The following MGAM2 variants were observed in gnomAD, a reference collection of about 807,000 sequenced individuals.
MGAM2 encodes probable maltase-glucoamylase 2.
In MGAM2, 98 loss-of-function variants were observed where a neutral mutation model predicts 96.1. That is an observed-to-expected ratio of 1.02 (90% CI 0.87 to 1.21). The LOEUF (loss-of-function observed/expected upper bound fraction) is 1.21. Among genes scored for constraint, MGAM2 ranks in the 50% most tolerant of loss-of-function variants. The probability of loss-of-function intolerance (pLI) is 0.00; values close to 1 mark genes in which losing one functional copy is unlikely to be tolerated. For synonymous variants in MGAM2, 749 were observed against 414.8 expected (o/e 1.81, Z -9.79); for missense variants, 2,055 against 1,182.4 (o/e 1.74, Z -10.82).
At position 142,146,219 on chromosome 7, in the gene MGAM2, T is replaced by C. The variant is rs201011828; in HGVS notation, c.1517-1237T>C. Among the ~76,000 whole-genome samples, 15 of 128,282 alleles carry C rather than the reference T, an allele frequency of 1.2e-4. No individual in the cohort carries two copies. The East Asian group carries it at 2.7e-3, about 23-fold the overall frequency. 84.2% of individuals were successfully genotyped at this position (128,282 alleles called of 152,430 possible). ...AAATTTTGTTTTTGATTTTTTTTTT[T>C]CCCTATGGAAAACCTCAATCCTATC... On this transcript the variant is annotated intron_variant, in intron 14 of 47. Transcript: ENST00000477922.
At chr7:142,113,174 G>A (rs779470374) in intron 1 of MGAM2, among the ~76,000 whole-genome samples, 18 of 152,120 alleles carry the variant, frequency 1.2e-4, no homozygotes, top group South Asian at 4.2e-4. Flanking sequence ...AAAAGTAAGA[G>A]GAGATGCAAA....
chr7:142,202,401 T>G (rs895559658), intron 45 of MGAM2, among the ~76,000 whole-genome samples: 22 of 152,312 alleles, frequency 1.4e-4, no homozygotes, highest in African/African-American at 5.3e-4. Context: ...GTTTGGGGTA[T>G]GGATCCCGTC....
At chr7:142,160,359 A>G (rs1795853317) in intron 21 of MGAM2, 101 bp downstream of exon 21, 4 of 579,696 alleles carry the variant, frequency 6.9e-6, no homozygotes, top group African/African-American at 3.7e-5. Flanking sequence ...GAGCCAAGGG[A>G]TAAGTCACCC....
intron 19 of MGAM2, 145 bp from the exon 20 acceptor site, chr7:142,159,140 ATG>A: frequency 1.7e-6 from 1 of 588,518 alleles, no homozygotes. Flanking sequence ...CTCAACCTTT[ATG>A]TGTCTGTGTT....
chr7:142,220,705 C>A lies in MGAM2; in HGVS notation c.6194C>A (p.Ser2065Tyr). Reference protein sequence around the residue: ...SATVPITTTPSPTNTADANTS... With the variant: ...SATVPITTTPYPTNTADANTS... ...ACTGTTCCTATTACAACCACACCTT[C>A]CCCTACAAATACTGCTGATGCTAAC... Residue 2065 changes from serine (S) to tyrosine (Y), a missense_variant, in exon 48 of 48, where the codon TCC (serine) becomes TAC (tyrosine). Coordinates refer to ENST00000477922, the MANE Select transcript of MGAM2 (RefSeq NM_001293626.2). 1.4e-6 allele frequency: 1 copy of A among 702,220 alleles called. No homozygotes were observed. The highest frequency in any genetic ancestry group is 2.6e-6 in the Non-Finnish European group (1 of 384,808). The allele number at this position is 702,220 out of a possible 1,614,324, so 43.5% of individuals were successfully genotyped here.
intron 46 of MGAM2, among the ~76,000 whole-genome samples, chr7:142,217,175 A>G (rs1797789101): frequency 2.0e-5 from 3 of 152,152 alleles, no homozygotes; most frequent in Non-Finnish European, 4.4e-5. Flanking sequence ...ATCATGTGCC[A>G]CCTCATAATT....
intron 10 of MGAM2, among the ~76,000 whole-genome samples, chr7:142,139,856 G>A (rs1449615993): frequency 6.6e-6 from 1 of 151,698 alleles, no homozygotes; most frequent in Non-Finnish European, 1.5e-5. Flanking sequence ...GGAATTGATT[G>A]TGTTTAATTT....
chr7:142,179,685 T>C (rs1337208407), intron 32 of MGAM2, among the ~76,000 whole-genome samples: 1 of 152,218 alleles, frequency 6.6e-6, no homozygotes, highest in Non-Finnish European at 1.5e-5. Flanking sequence ...TGAGCCAACC[T>C]TGCGTCTCAG....
intron 37 of MGAM2, among the ~76,000 whole-genome samples, chr7:142,195,605 C>A (rs1308323909): frequency 3.3e-5 from 5 of 151,672 alleles, no homozygotes; most frequent in African/African-American, 1.2e-4. Flanking sequence ...GATCCACCCA[C>A]CTTGACCTCC....
chr7:142,132,191 G>C (rs1026034267), intron 6 of MGAM2, 106 bp downstream of exon 6: 3 of 525,202 alleles, frequency 5.7e-6, no homozygotes, highest in Non-Finnish European at 6.7e-6. Context: ...TAGAGAAAAT[G>C]TTTGAATATT....
intron 16 of MGAM2, 38 bp from the exon 17 acceptor site, chr7:142,154,691 C>T (rs1432159094): frequency 1.4e-6 from 1 of 699,570 alleles, no homozygotes; most frequent in Non-Finnish European, 2.6e-6. Context: ...TTTCGCCTCT[C>T]ATTGACCACA....
chr7:142,137,038 C>T (rs933635243), intron 8 of MGAM2, among the ~76,000 whole-genome samples: 4 of 152,138 alleles, frequency 2.6e-5, no homozygotes, highest in Admixed American at 2.6e-4. Context: ...TCTTCCTTCT[C>T]CAGCTTCTGG....
Position 142,154,025 on chromosome 7 carries a change from G to A in MGAM2, c.1642G>A (p.Glu548Lys), listed in dbSNP as rs532498905. 12 of 670,570 alleles carry A rather than the reference G, an allele frequency of 1.8e-5. 1 individual carries two copies. The South Asian group carries it at 1.9e-4, about 11-fold the overall frequency. The allele number at this position is 670,570 out of a possible 1,614,324, so 41.5% of individuals were successfully genotyped here. A position where few individuals can be genotyped will look rare whatever the true frequency, so the allele number is the denominator to read the frequency against. Residue 548 changes from glutamate (E) to lysine (K), a missense_variant, in exon 16 of 48, where the codon GAG (glutamate) becomes AAG (lysine). Coordinates refer to ENST00000477922, the MANE Select transcript of MGAM2 (RefSeq NM_001293626.2). Reference protein sequence around the residue: ...SMARTTNLALETIFMNNRSFI... With the variant: ...SMARTTNLALKTIFMNNRSFI... ...GGATGTATTCCTTTCCAGAGCCCTG[G>A]AGACCATCTTCATGAATAATAGGAG...
chr7:142,144,218 T>C (rs1320549131), intron 13 of MGAM2, among the ~76,000 whole-genome samples: 1 of 152,210 alleles, frequency 6.6e-6, no homozygotes, highest in East Asian at 1.9e-4. Flanking sequence ...AAAATTTAAA[T>C]TAATCATTAG....
At chr7:142,132,555 T>C (rs1794923368) in intron 6 of MGAM2, among the ~76,000 whole-genome samples, 1 of 133,102 alleles carries the variant, frequency 7.5e-6, no homozygotes, top group African/African-American at 2.9e-5. Flanking sequence ...AATTTAATTA[T>C]ACATTCCATA....
intron 33 of MGAM2, among the ~76,000 whole-genome samples, chr7:142,184,673 C>T (rs1796641784): frequency 6.6e-6 from 1 of 152,068 alleles, no homozygotes; most frequent in South Asian, 2.1e-4. Flanking sequence ...CACGATAGTG[C>T]TTAAAAGTAT....
At chr7:142,208,959 T>G (rs547919927) in intron 46 of MGAM2, among the ~76,000 whole-genome samples, 1 of 152,346 alleles carries the variant, frequency 6.6e-6, no homozygotes, top group East Asian at 1.9e-4. Context: ...TATTATGCAA[T>G]AATGCATAAA....
intron 46 of MGAM2, among the ~76,000 whole-genome samples, chr7:142,216,563 G>A (rs899821370): frequency 6.6e-6 from 1 of 152,068 alleles, no homozygotes; most frequent in African/African-American, 2.4e-5. Context: ...TGTGGGGGTG[G>A]GAGATGATTT....
chr7:142,189,546 C>T (rs933904590), intron 37 of MGAM2, 41 bp downstream of exon 37: 61 of 659,178 alleles, frequency 9.3e-5, no homozygotes, highest in South Asian at 1.9e-4. Context: ...TAATTTTCCA[C>T]ATCATTCCTT....
Sources: allele counts gnomAD v4.1 joint callset (sites outside exome capture counted in the v4.1 genomes callset), GRCh38; gene constraint gnomAD v4.1.1; transcripts MANE v1.5; gene names NCBI Gene and HGNC (gene_info 2026-07-23, HGNC 2026-07-21).